Variants in OR56A3 observed in about 807,000 individuals in gnomAD.
OR56A3 encodes olfactory receptor family 56 subfamily A member 3.
Under a neutral mutation model 17.5 loss-of-function variants are expected in OR56A3, and 23 were observed. That is an observed-to-expected ratio of 1.32 (90% CI 0.95 to 1.87). OR56A3 has a LOEUF of 1.87. Among genes scored for constraint, OR56A3 ranks in the 40% most tolerant of loss-of-function variants. The pLI is 0.00. For synonymous variants in OR56A3, 175 were observed against 150.6 expected (o/e 1.16, Z -1.19); for missense variants, 366 against 380.1 (o/e 0.96, Z 0.31).
chr11:6,006,480 A>T, the OR56A3 span: 1 of 152,224 alleles, frequency 6.6e-6, no homozygotes, highest in Non-Finnish European at 1.5e-5. Flanking sequence ...TCTGACCATG[A>T]GTCATTAACA....
the OR56A3 span, among the ~76,000 whole-genome samples, chr11:5,987,912 T>G: frequency 6.6e-6 from 1 of 152,178 alleles, no homozygotes; most frequent in Non-Finnish European, 1.5e-5. Context: ...AAAATGCAGA[T>G]CTCATCATAT....
the OR56A3 span, among the ~76,000 whole-genome samples, chr11:5,961,007 T>C: frequency 6.6e-6 from 1 of 151,092 alleles, no homozygotes. Flanking sequence ...ATCTGAGAAG[T>C]GAGGAGCCCC....
chr11:5,994,733 G>A, the OR56A3 span: 1 of 817,248 alleles, frequency 1.2e-6, no homozygotes, highest in Middle Eastern at 3.3e-4. Context: ...ATTGTCCACA[G>A]TATTTGCGAA....
the OR56A3 span, among the ~76,000 whole-genome samples, chr11:6,004,051 A>G: frequency 6.6e-6 from 1 of 152,246 alleles, no homozygotes; most frequent in Non-Finnish European, 1.5e-5. Flanking sequence ...TGACTGTCAC[A>G]GTCAAAGAGG....
chr11:5,965,181 G>A, the OR56A3 span, among the ~76,000 whole-genome samples: 3 of 152,082 alleles, frequency 2.0e-5, no homozygotes, highest in African/African-American at 4.8e-5. Flanking sequence ...AGAAATCAAC[G>A]TGCATTAGAA....
At chr11:6,019,307 A>C in the OR56A3 span, 1 of 152,168 alleles carries the variant, frequency 6.6e-6, no homozygotes, top group Non-Finnish European at 1.5e-5. Context: ...CAACCCATCA[A>C]AAAGATAATA....
rs1283633568 is a variant in OR56A3 at position 5,944,935 on chromosome 11, C to T, written c.-184C>T. 6.6e-6 allele frequency: 1 copy of T among 152,180 alleles called. No homozygotes were observed. Among genetic ancestry groups the T allele is most frequent in the African/African-American group, 2.4e-5 (1 of 41,416 alleles). 9.4% of individuals were successfully genotyped at this position (152,180 alleles called of 1,614,324 possible). A position where few individuals can be genotyped will look rare whatever the true frequency, so the allele number is the denominator to read the frequency against. ...GGATCCCTGGAGGAATGCCCGTCCT[C>T]CCTCCACTGACAGCAGCCACAGTTA... On this transcript the variant is annotated 5_prime_UTR_variant, in exon 2 of 3. Transcript: ENST00000641160.
the OR56A3 span, among the ~76,000 whole-genome samples, chr11:6,014,742 A>G: frequency 3.9e-5 from 6 of 152,152 alleles, no homozygotes; most frequent in African/African-American, 1.4e-4. Flanking sequence ...TTTTGTGAGC[A>G]AAATGCTGAA....
the OR56A3 span, among the ~76,000 whole-genome samples, chr11:5,970,047 A>G: frequency 2.6e-5 from 4 of 152,246 alleles, no homozygotes; most frequent in Non-Finnish European, 4.4e-5. Context: ...AAGATTTGAT[A>G]TATGTTGTGG....
At chr11:5,962,965 T>C in the OR56A3 span, among the ~76,000 whole-genome samples, 1 of 152,228 alleles carries the variant, frequency 6.6e-6, no homozygotes, top group Admixed American at 6.5e-5. Context: ...TTCTTCGAGA[T>C]TAACTAATTT....
chr11:5,978,600 T>C, the OR56A3 span, among the ~76,000 whole-genome samples: 2 of 152,036 alleles, frequency 1.3e-5, no homozygotes, highest in Non-Finnish European at 2.9e-5. Context: ...TTTAATCAGA[T>C]TTAGGGGCCT....
the OR56A3 span, among the ~76,000 whole-genome samples, chr11:5,963,795 A>G: frequency 2.0e-5 from 3 of 151,942 alleles, no homozygotes; most frequent in African/African-American, 7.2e-5. Context: ...CTACCCTTTT[A>G]TCTTTCTCTA....
At chr11:6,014,371 G>A in the OR56A3 span, among the ~76,000 whole-genome samples, 9 of 152,268 alleles carry the variant, frequency 5.9e-5, no homozygotes, top group East Asian at 1.5e-3. Flanking sequence ...ACCATCCTCC[G>A]GGTGCTGCTC....
chr11:6,002,928 T>G, the OR56A3 span: 11 of 1,613,786 alleles, frequency 6.8e-6, no homozygotes, highest in Admixed American at 1.8e-4. Context: ...GCTCTGGAAG[T>G]TGGGGAAGCA....
chr11:5,946,913 C>G (rs1341837489), intron 2 of OR56A3, among the ~76,000 whole-genome samples: 1 of 152,096 alleles, frequency 6.6e-6, no homozygotes, highest in Admixed American at 6.6e-5. Flanking sequence ...TTTATTTGAG[C>G]TTATTGCAAT....
At chr11:5,980,223 T>C in the OR56A3 span, among the ~76,000 whole-genome samples, 2 of 152,142 alleles carry the variant, frequency 1.3e-5, no homozygotes, top group Admixed American at 1.3e-4. Context: ...GTGTTGAGTT[T>C]AGATCCTGAA....
chr11:6,002,143 G>A, the OR56A3 span: 1 of 1,614,140 alleles, frequency 6.2e-7, no homozygotes, highest in Non-Finnish European at 8.5e-7. Context: ...GGAATGAGGT[G>A]GTGCAGGATG....
chr11:5,975,657 G>T, the OR56A3 span, among the ~76,000 whole-genome samples: 1 of 151,954 alleles, frequency 6.6e-6, no homozygotes, highest in East Asian at 1.9e-4. Flanking sequence ...GAGTAGTGCC[G>T]CAATAAACAT....
chr11:5,950,640 T>C lies in OR56A3; in HGVS notation c.*2346T>C, dbSNP rs1234369936. On this transcript the variant is annotated 3_prime_UTR_variant, in exon 3 of 3. Transcript: ENST00000641160. Reference sequence around the variant, plus strand: ...AAGTAGAAACAGACAAAATTAGTTCTAATAAGATATTTTATTTAGTCCAAC... The same window carrying C: ...AAGTAGAAACAGACAAAATTAGTTCCAATAAGATATTTTATTTAGTCCAAC... The C allele has an allele frequency of 6.6e-6, 1 of 152,146 alleles. No individual in the cohort carries two copies. The highest frequency in any genetic ancestry group is 1.5e-5 in the Non-Finnish European group (1 of 67,968). 9.4% of individuals were successfully genotyped at this position (152,146 alleles called of 1,614,324 possible).
Sources: gnomAD v4.1 joint callset for allele counts (sites outside exome capture counted in the v4.1 genomes callset) on GRCh38, gnomAD v4.1.1 for gene constraint, MANE v1.5 for transcripts, NCBI Gene and HGNC (gene_info 2026-07-23, HGNC 2026-07-21) for gene names.